The following KCNQ1 variants were observed in gnomAD, a reference collection of about 807,000 sequenced individuals.
KCNQ1 encodes potassium voltage-gated channel subfamily Q member 1, also known as potassium voltage-gated channel subfamily KQT member 1.
A neutral mutation model predicts 72.4 loss-of-function variants in KCNQ1; 49 were observed. The ratio of observed to expected loss-of-function variants is 0.68; its 90% confidence interval spans 0.54 to 0.86. The LOEUF (loss-of-function observed/expected upper bound fraction) is 0.86, where lower values mean the gene tolerates loss of function less well. KCNQ1 is among the 40% of genes least tolerant of loss of function. The pLI is 0.00. For synonymous variants in KCNQ1, 450 were observed against 412.6 expected (o/e 1.09, Z -1.10); for missense variants, 790 against 945.1 (o/e 0.84, Z 2.15).
In KCNQ1 at chr11:2,690,638, C is replaced by A. The variant is rs1047380308; in HGVS notation, c.1514+28557C>A. ...GCATGTTCATATATGTGTCAGAATG[C>A]GTATTTGTCAGTGTATGTGTGTCAG... On this transcript the variant is annotated intron_variant, in intron 11 of 15. Coordinates refer to ENST00000155840, the MANE Select transcript of KCNQ1 (RefSeq NM_000218.3). The surrounding 1 kb of genome is among the most constrained non-coding windows in gnomAD (Gnocchi z 5.1). 4 of 398,506 alleles carry A rather than the reference C, an allele frequency of 1.0e-5. No homozygotes were observed. Among genetic ancestry groups the A allele is most frequent in the Admixed American group, 4.4e-5 (1 of 22,714 alleles). The allele number at this position is 398,506 out of a possible 1,614,324, so 24.7% of individuals were successfully genotyped here.
intron 11 of KCNQ1, among the ~76,000 whole-genome samples, chr11:2,747,052 C>G (rs969988944): frequency 6.6e-6 from 1 of 152,228 alleles, no homozygotes; most frequent in Non-Finnish European, 1.5e-5. Flanking sequence ...GGTGCTGTCC[C>G]TGGGGCTCTG....
rs1001450239 is a variant in KCNQ1 at position 2,703,301 on chromosome 11, CAGAG to C, written c.1514+41223_1514+41226del. ...CAAGGCTGCAGGGGTGGGTGTGAGA[CAGAG>C]AGCCTGGGCACCTGGTGGCCACTCC... On this transcript the variant is annotated intron_variant, in intron 11 of 15. Transcript: ENST00000155840. This position sits in a 1 kb window ranked among gnomAD's most constrained non-coding sequence, Gnocchi z 6.4. Among the ~76,000 whole-genome samples the C allele has an allele frequency of 6.6e-6, 1 of 152,176 alleles. No individual in the cohort carries two copies. Among genetic ancestry groups the C allele is most frequent in the Non-Finnish European group, 1.5e-5 (1 of 68,018 alleles).
intron 12 of KCNQ1, among the ~76,000 whole-genome samples, chr11:2,770,822 G>T (rs1020130703): frequency 3.9e-5 from 6 of 152,244 alleles, no homozygotes; most frequent in African/African-American, 1.2e-4. Flanking sequence ...GCTCACTCGG[G>T]GGCAATGGAA....
At chr11:2,502,586 A>G (rs1036648942) in intron 1 of KCNQ1, among the ~76,000 whole-genome samples, 3 of 152,240 alleles carry the variant, frequency 2.0e-5, no homozygotes, top group South Asian at 2.1e-4. Flanking sequence ...GGAAGAATCA[A>G]TATTGTTAAA....
rs1846012889 is a variant in KCNQ1, at chr11:2,445,018, C to G, written c.-81C>G. 9.5e-6 allele frequency: 9 copies of G among 949,648 alleles called. No individual in the cohort carries two copies. Among genetic ancestry groups the G allele is most frequent in the African/African-American group, 3.6e-5 (2 of 56,190 alleles). The allele number at this position is 949,648 out of a possible 1,614,324, so 58.8% of individuals were successfully genotyped here. On this transcript the variant is annotated 5_prime_UTR_variant, in exon 1 of 16. Coordinates refer to ENST00000155840, the MANE Select transcript of KCNQ1 (RefSeq NM_000218.3). The stretch of plus-strand genomic sequence containing the variant: ...GGCGGGGCTGGCAGCAGTGGCTGCC[C>G]GCACTGCGCCCGGGCGCTCGCCTTC...
intron 10 of KCNQ1, chr11:2,632,222 G>C (rs1589992960): frequency 1.1e-5 from 4 of 364,404 alleles, no homozygotes; most frequent in Admixed American, 9.5e-5. Context: ...ACTGAATTTT[G>C]TGTACTGACT....
Position 2,450,931 on chromosome 11 carries a change from G to A in KCNQ1, c.386+5447G>A, listed in dbSNP as rs566660771. ...TGGCTGGGGAGGGGCTTCTCTCTGG[G>A]GAGCAGGCCCTGGCTGGAGGTGGGG... On this transcript the variant is annotated intron_variant, in intron 1 of 15. Coordinates refer to ENST00000155840, the MANE Select transcript of KCNQ1 (RefSeq NM_000218.3). This position sits in a 1 kb window ranked among gnomAD's most constrained non-coding sequence, Gnocchi z 7.9. 1.0e-3 allele frequency among the ~76,000 whole-genome samples: 152 copies of A among 152,276 alleles called. No individual in the cohort carries two copies. The highest frequency in any genetic ancestry group is 1.4e-3 in the Non-Finnish European group (98 of 68,020).
At chr11:2,500,884 G>GT (rs1846999235) in intron 1 of KCNQ1, among the ~76,000 whole-genome samples, 1 of 118,322 alleles carries the variant, frequency 8.5e-6, no homozygotes, top group Non-Finnish European at 1.8e-5. Flanking sequence ...GGGGGTGGGG[G>GT]CAAGGGGAGG....
rs1413510087 is a variant in KCNQ1, at chr11:2,611,442, C to T, written c.1393+22588C>T. 2.5e-6 allele frequency: 1 copy of T among 397,650 alleles called. No homozygotes were observed. The highest frequency in any genetic ancestry group is 4.4e-5 in the Admixed American group (1 of 22,712). 24.6% of individuals were successfully genotyped at this position (397,650 alleles called of 1,614,324 possible). On this transcript the variant is annotated intron_variant, in intron 10 of 15. Transcript: ENST00000155840. This position sits in a 1 kb window ranked among gnomAD's most constrained non-coding sequence, Gnocchi z 5.3. ...GACCAGGCTGGTCTTGAACTCCTGA[C>T]CTCGAGTGATCTGTCTGCCTCAGCC... is the stretch of plus-strand genomic sequence containing the variant.
chr11:2,619,514 T>A (rs1327261987), intron 10 of KCNQ1: 1 of 398,462 alleles, frequency 2.5e-6, no homozygotes, highest in Non-Finnish European at 4.4e-6. Context: ...AGAAATTAAT[T>A]CCACATAGAC....
intron 11 of KCNQ1, among the ~76,000 whole-genome samples, chr11:2,733,846 T>G (rs897023522): frequency 0.047 from 2,482 of 52,360 alleles, 232 homozygotes; most frequent in African/African-American, 0.072. Context: ...TCTCTCTCTC[T>G]CTCTCTCTCT....
At chr11:2,812,252 A>C (rs1396834472) in intron 15 of KCNQ1, among the ~76,000 whole-genome samples, 1 of 152,160 alleles carries the variant, frequency 6.6e-6, no homozygotes, top group Non-Finnish European at 1.5e-5. Flanking sequence ...GAAAAGCCTG[A>C]GTCCCTCCTC....
chr11:2,746,157 T>G lies in KCNQ1; in HGVS notation c.1515-22687T>G, dbSNP rs1846136466. On this transcript the variant is annotated intron_variant, in intron 11 of 15. Transcript: ENST00000155840. This position sits in a 1 kb window ranked among gnomAD's most constrained non-coding sequence, Gnocchi z 5.9. ...CATCCGCCTCGGCCTCCCAAAGTGC[T>G]GGGATTATAGGCATGAGGCACCATG... Among the ~76,000 whole-genome samples the G allele has an allele frequency of 6.6e-6, 1 of 152,222 alleles. No individual in the cohort carries two copies. Among genetic ancestry groups the G allele is most frequent in the African/African-American group, 2.4e-5 (1 of 41,454 alleles).
Position 2,677,338 on chromosome 11 carries a change from T to G in KCNQ1, c.1514+15257T>G, listed in dbSNP as rs1349312705. The G allele has an allele frequency of 2.5e-6, 1 of 398,568 alleles. No individual in the cohort carries two copies. Among genetic ancestry groups the G allele is most frequent in the Non-Finnish European group, 4.4e-6 (1 of 226,040 alleles). The allele number at this position is 398,568 out of a possible 1,614,324, so 24.7% of individuals were successfully genotyped here. On this transcript the variant is annotated intron_variant, in intron 11 of 15. Coordinates refer to ENST00000155840, the MANE Select transcript of KCNQ1 (RefSeq NM_000218.3). The surrounding 1 kb of genome is among the most constrained non-coding windows in gnomAD (Gnocchi z 4.5). ...AAATGATGTCAAATGATTTCTCAAA[T>G]AGAGACTGGGCAGAGTAGACCAGTT...
intron 11 of KCNQ1, chr11:2,685,923 C>T (rs768162446): frequency 5.0e-6 from 2 of 398,770 alleles, no homozygotes; most frequent in Non-Finnish European, 8.8e-6. Context: ...TGACCAAGTT[C>T]TGGGCCCACT....
rs200671776 is a variant in KCNQ1, at chr11:2,548,056, G to C, written c.477+20038G>C. On this transcript the variant is annotated intron_variant, in intron 2 of 15. Transcript: ENST00000155840. ...GGCGACTCTGGGGAGTTAGGGTTTC[G>C]CTCTGCATGACAGGAGCCTGGGGCC... Among the ~76,000 whole-genome samples the C allele has an allele frequency of 7.4e-3, 1,133 of 152,226 alleles. 35 individuals carry two copies. The highest frequency in any genetic ancestry group is 0.051 in the East Asian group (264 of 5,174).
chr11:2,485,873 CT>C (rs1300279849), intron 1 of KCNQ1, among the ~76,000 whole-genome samples: 8 of 152,174 alleles, frequency 5.3e-5, no homozygotes, highest in African/African-American at 1.7e-4. Flanking sequence ...TCAGAATTTC[CT>C]TTTCCTTTTC....
rs762809816 is a variant in KCNQ1 at position 2,674,557 on chromosome 11, T to C, written c.1514+12476T>C. ...GGAGGATTTAGACAAATACCTCGAG[T>C]GAGTGAATCTGAAGCATGCTAGTTG... is the stretch of plus-strand genomic sequence containing the variant. On this transcript the variant is annotated intron_variant, in intron 11 of 15. Transcript: ENST00000155840. The surrounding 1 kb of genome is among the most constrained non-coding windows in gnomAD (Gnocchi z 5.9). The C allele has an allele frequency of 5.0e-6, 2 of 398,394 alleles. No individual in the cohort carries two copies. Among genetic ancestry groups the C allele is most frequent in the Non-Finnish European group, 8.8e-6 (2 of 226,046 alleles). 24.7% of individuals were successfully genotyped at this position (398,394 alleles called of 1,614,324 possible). A position where few individuals can be genotyped will look rare whatever the true frequency, so the allele number is the denominator to read the frequency against.
chr11:2,829,094 A>T (rs1445390196), intron 15 of KCNQ1, among the ~76,000 whole-genome samples: 1 of 152,244 alleles, frequency 6.6e-6, no homozygotes, highest in African/African-American at 2.4e-5. Flanking sequence ...TATCTACCAC[A>T]TGCCTTTTCT....
Sources: allele counts gnomAD v4.1 joint callset (sites outside exome capture counted in the v4.1 genomes callset), GRCh38; gene constraint gnomAD v4.1.1; non-coding constraint Gnocchi (gnomAD v3.1); transcripts MANE v1.5; gene names NCBI Gene and HGNC (gene_info 2026-07-23, HGNC 2026-07-21).